ZNF738: variants seen among roughly 807,000 people sequenced by gnomAD.
ZNF738 encodes zinc finger protein 738, also known as protein ZNF738.
A neutral mutation model predicts 9.2 loss-of-function variants in ZNF738; 10 were observed. The observed-to-expected ratio is 1.09, with a 90% CI of 0.67 to 1.85. The LOEUF is 1.85. ZNF738 is among the 40% of genes most tolerant of loss of function. ZNF738 has a pLI of 0.00. For synonymous variants in ZNF738, 113 were observed against 94.5 expected (o/e 1.20, Z -1.14); for missense variants, 346 against 283.6 (o/e 1.22, Z -1.58).
At chr19:21,368,559 C>T (rs1278972063) in intron 2 of ZNF738, among the ~76,000 whole-genome samples, 1 of 152,022 alleles carries the variant, frequency 6.6e-6, no homozygotes, top group Non-Finnish European at 1.5e-5. Context: ...CTCCCAGGTT[C>T]AAACAATTCT....
chr19:21,363,932 C>T (rs1410514989), intron 2 of ZNF738, among the ~76,000 whole-genome samples: 3 of 150,064 alleles, frequency 2.0e-5, no homozygotes, highest in Non-Finnish European at 1.5e-5. Context: ...CATGGTGGCT[C>T]ATGTCTGTAA....
intron 4 of ZNF738, chr19:21,378,921 G>A (rs1307311111): frequency 2.0e-5 from 3 of 152,332 alleles, no homozygotes; most frequent in African/African-American, 7.2e-5. Flanking sequence ...TTATCTTGCA[G>A]CTCCCGAGAT....
At chr19:21,367,823 C>T (rs901903122) in intron 2 of ZNF738, among the ~76,000 whole-genome samples, 1 of 152,226 alleles carries the variant, frequency 6.6e-6, no homozygotes, top group Non-Finnish European at 1.5e-5. Flanking sequence ...GGACTAGGCA[C>T]CACCATCAGG....
intron 1 of ZNF738, among the ~76,000 whole-genome samples, chr19:21,360,961 T>G (rs1973680575): frequency 6.6e-6 from 1 of 151,788 alleles, no homozygotes; most frequent in South Asian, 2.1e-4. Flanking sequence ...TTTACAGGCA[T>G]GCACCACCAC....
At chr19:21,374,799 G>A (rs1380001738) in intron 2 of ZNF738, among the ~76,000 whole-genome samples, 1 of 151,694 alleles carries the variant, frequency 6.6e-6, no homozygotes, top group African/African-American at 2.4e-5. Context: ...TAGAAATTCA[G>A]AATCTCAGAC....
chr19:21,368,090 G>A (rs1298389222), intron 2 of ZNF738, among the ~76,000 whole-genome samples: 3 of 152,156 alleles, frequency 2.0e-5, no homozygotes, highest in African/African-American at 7.2e-5. Context: ...TGCACGCATG[G>A]GTTTTTCTTA....
intron 2 of ZNF738, among the ~76,000 whole-genome samples, chr19:21,366,838 C>T (rs1436916219): frequency 1.3e-5 from 2 of 152,212 alleles, no homozygotes; most frequent in East Asian, 3.9e-4. Context: ...AGGTCACTCT[C>T]ATCACCATCT....
chr19:21,381,972 G>T, intron 4 of ZNF738: 1 of 208,938 alleles, frequency 4.8e-6, no homozygotes. Context: ...GGCTGCCTCA[G>T]CCTGTCTCCA....
chr19:21,364,969 A>C (rs1032162507), intron 2 of ZNF738, among the ~76,000 whole-genome samples: 3 of 140,414 alleles, frequency 2.1e-5, no homozygotes, highest in Non-Finnish European at 4.5e-5. Flanking sequence ...CGTGATGGCC[A>C]GGATGGTCTC....
Position 21,387,807 on chromosome 19 carries a change from C to T in ZNF738, c.*4133C>T, listed in dbSNP as rs1974084689. Among the ~76,000 whole-genome samples, 1 of 152,114 alleles carries T rather than the reference C, an allele frequency of 6.6e-6. No individual in the cohort carries two copies. The highest frequency in any genetic ancestry group is 1.5e-5 in the Non-Finnish European group (1 of 68,028). ...AGGGTTGTAGTACCTTTACTTGAAT[C>T]AAATTTTATTGTACACATTTTGTAC... On this transcript the variant is annotated 3_prime_UTR_variant, in exon 5 of 5. Transcript: ENST00000683779.
At chr19:21,373,682 C>T (rs111675864) in intron 2 of ZNF738, among the ~76,000 whole-genome samples, 5 of 151,836 alleles carry the variant, frequency 3.3e-5, no homozygotes, top group African/African-American at 4.8e-5. Flanking sequence ...GTGGTGCTGA[C>T]GCCTTTTAAG....
chr19:21,369,840 G>A (rs1336791579), intron 2 of ZNF738, among the ~76,000 whole-genome samples: 11 of 148,478 alleles, frequency 7.4e-5, no homozygotes, highest in Non-Finnish European at 1.5e-4. Flanking sequence ...TTGAGACATA[G>A]TCTCGCACTC....
chr19:21,383,573 C>T lies in ZNF738; in HGVS notation c.1027C>T (p.Pro343Ser). The part of the protein sequence containing the change: ...KHKIIHTGEK[P>S]YKCEECGKAF... ...TAAGATAATTCATACTGGAGAGAAA[C>T]CCTACAAATGTGAGGAATGTGGCAA... Residue 343 changes from proline (P) to serine (S), a missense_variant, in exon 5 of 5, where the codon CCC becomes TCC. Coordinates refer to ENST00000683779, the MANE Select transcript of ZNF738 (RefSeq NM_001355237.2). 1.9e-6 allele frequency: 2 copies of T among 1,026,698 alleles called. No individual in the cohort carries two copies. Among genetic ancestry groups the T allele is most frequent in the Non-Finnish European group, 1.5e-6 (1 of 662,366 alleles). The allele number at this position is 1,026,698 out of a possible 1,614,324, so 63.6% of individuals were successfully genotyped here. A position where few individuals can be genotyped will look rare whatever the true frequency, so the allele number is the denominator to read the frequency against.
At chr19:21,377,318 A>G (rs1424302261) in intron 4 of ZNF738, 3 of 559,972 alleles carry the variant, frequency 5.4e-6, no homozygotes, top group Non-Finnish European at 9.5e-6. Flanking sequence ...AAAAAAAAAA[A>G]ATTGTATTAT....
Position 21,383,726 on chromosome 19 carries a change from C to T in ZNF738, c.*52C>T. On this transcript the variant is annotated 3_prime_UTR_variant, in exon 5 of 5. Coordinates refer to ENST00000683779, the MANE Select transcript of ZNF738 (RefSeq NM_001355237.2). ...AACCCTTACTAGACATAAGATAATT[C>T]ATACTGAAGAGAAACCCTACAAATG... 9.4e-7 allele frequency: 1 copy of T among 1,065,910 alleles called. No homozygotes were observed. The allele number at this position is 1,065,910 out of a possible 1,614,324, so 66.0% of individuals were successfully genotyped here.
chr19:21,365,507 T>C lies in ZNF738; in HGVS notation c.96+3649T>C, dbSNP rs1033856226. ...TTCATCTTCTGTAACTACTTCATGC[T>C]GTATAGGGGCGATGATATTCTTGCT... On this transcript the variant is annotated intron_variant, in intron 2 of 4. Coordinates refer to ENST00000683779, the MANE Select transcript of ZNF738 (RefSeq NM_001355237.2). Among the ~76,000 whole-genome samples, 57 of 152,160 alleles carry C rather than the reference T, an allele frequency of 3.7e-4. 1 individual carries two copies. Among genetic ancestry groups the C allele is most frequent in the African/African-American group, 1.2e-3 (48 of 41,430 alleles).
Position 21,386,328 on chromosome 19 carries a change from T to C in ZNF738, c.*2654T>C, listed in dbSNP as rs1164021042. The C allele has an allele frequency of 6.8e-6, 2 of 293,236 alleles. No individual in the cohort carries two copies. Among genetic ancestry groups the C allele is most frequent in the Non-Finnish European group, 1.4e-5 (2 of 142,720 alleles). 18.2% of individuals were successfully genotyped at this position (293,236 alleles called of 1,614,324 possible). On this transcript the variant is annotated 3_prime_UTR_variant, in exon 5 of 5. Coordinates refer to ENST00000683779, the MANE Select transcript of ZNF738 (RefSeq NM_001355237.2). Reference sequence around the variant, plus strand: ...TTACTACACATAAGATAATTAATGCTGGAGGGAAATCCCACCCATGTGGCA... The same window carrying C: ...TTACTACACATAAGATAATTAATGCCGGAGGGAAATCCCACCCATGTGGCA...
chr19:21,363,298 A>C (rs188333757), intron 2 of ZNF738, among the ~76,000 whole-genome samples: 2 of 152,334 alleles, frequency 1.3e-5, no homozygotes, highest in Non-Finnish European at 2.9e-5. Context: ...CTAACATGGA[A>C]ATTAAAGCTT....
rs540867557 is a variant in ZNF738, at chr19:21,361,840, G to T, written c.78G>T (p.Glu26Asp). 6.4e-6 allele frequency: 5 copies of T among 780,404 alleles called. No individual in the cohort carries two copies. Among genetic ancestry groups the T allele is most frequent in the Non-Finnish European group, 1.2e-5 (5 of 417,848 alleles). 48.3% of individuals were successfully genotyped at this position (780,404 alleles called of 1,614,324 possible). A position where few individuals can be genotyped will look rare whatever the true frequency, so the allele number is the denominator to read the frequency against. The change falls in exon 2 of 5, where the codon GAG (glutamate) becomes GAT (aspartate). Residue 26 changes from glutamate to aspartate, a missense_variant. Glu to Asp is a conservative substitution (Grantham distance 45, BLOSUM62 2). Transcript: ENST00000683779. ...CTGGGGCTGAGAGGAATCTTCTGGA[G>T]TACTCTTATTTTGAAAAGGTAACCC... ...GYPGAERNLL[E>D]YSYFEKGPLT...
Sources: gnomAD v4.1 joint callset for allele counts (sites outside exome capture counted in the v4.1 genomes callset) on GRCh38, gnomAD v4.1.1 for gene constraint, MANE v1.5 for transcripts, NCBI Gene and HGNC (gene_info 2026-07-23, HGNC 2026-07-21) for gene names.